The following NTN4 variants were observed in gnomAD, a reference collection of about 807,000 sequenced individuals.
NTN4 encodes netrin 4.
Under a neutral mutation model 73.6 loss-of-function variants are expected in NTN4, and 32 were observed. The ratio of observed to expected loss-of-function variants is 0.44; its 90% CI spans 0.33 to 0.58. The LOEUF (loss-of-function observed/expected upper bound fraction) is 0.58, where lower values mean the gene tolerates loss of function less well. Among genes scored for constraint, NTN4 ranks in the 20% least tolerant of loss-of-function variants. The pLI is 0.04. For synonymous variants in NTN4, 258 were observed against 287.5 expected (o/e 0.90, Z 1.04); for missense variants, 654 against 798.3 (o/e 0.82, Z 2.18).
chr12:95,670,171 T>TGTTA, intron 7 of NTN4, 25 bp from the exon 8 acceptor site: 1 of 1,391,284 alleles, frequency 7.2e-7, no homozygotes, highest in South Asian at 1.3e-5. Context: ...TTAAAAATGG[T>TGTTA]GTTAGTTATT....
chr12:95,787,424 A>T lies in NTN4; in HGVS notation c.100T>A (p.Cys34Ser). ...GCCAAATTTCCCATCCGAGGGTTGC[A>T]GGCTTTTTCACAGCGGGAACTCACT... ...AGVSSRCEKA[C>S]NPRMGNLALG... Residue 34 changes from cysteine to serine, a missense_variant, in exon 2 of 10, where the codon TGC (cysteine) becomes AGC (serine). By Grantham distance (112) the Cys-to-Ser change is moderately radical (BLOSUM62 -1). Coordinates refer to ENST00000343702, the MANE Select transcript of NTN4 (RefSeq NM_021229.4). 6.2e-7 allele frequency: 1 copy of T among 1,614,220 alleles called. No individual in the cohort carries two copies. Among genetic ancestry groups the T allele is most frequent in the East Asian group, 2.2e-5 (1 of 44,884 alleles).
chr12:95,786,800 T>C, intron 2 of NTN4, 139 bp downstream of exon 2: 2 of 716,886 alleles, frequency 2.8e-6, no homozygotes, highest in Admixed American at 5.8e-5. Flanking sequence ...TAAGAAATAA[T>C]TTATGACAAA....
intron 2 of NTN4, among the ~76,000 whole-genome samples, chr12:95,782,528 C>T (rs1200102639): frequency 6.6e-6 from 1 of 152,200 alleles, no homozygotes; most frequent in Non-Finnish European, 1.5e-5. Flanking sequence ...GAACTCCTGA[C>T]CTTAGGTGAT....
intron 2 of NTN4, among the ~76,000 whole-genome samples, chr12:95,743,940 C>T (rs1035584078): frequency 1.3e-5 from 2 of 151,946 alleles, no homozygotes; most frequent in Non-Finnish European, 2.9e-5. Context: ...TCACTCTTGT[C>T]CCCCAGGCTG....
intron 5 of NTN4, 54 bp downstream of exon 5, chr12:95,710,387 A>T: frequency 7.0e-7 from 1 of 1,434,440 alleles, no homozygotes; most frequent in Non-Finnish European, 9.6e-7. Context: ...AGGGATAAAG[A>T]GATTCATCTC....
At chr12:95,665,189 A>G (rs928987373) in intron 9 of NTN4, among the ~76,000 whole-genome samples, 1 of 152,164 alleles carries the variant, frequency 6.6e-6, no homozygotes, top group Non-Finnish European at 1.5e-5. Flanking sequence ...GTGCTTATTT[A>G]TTTGTCTTCA....
intron 3 of NTN4, among the ~76,000 whole-genome samples, chr12:95,737,575 T>G (rs773581268): frequency 2.0e-5 from 3 of 152,160 alleles, no homozygotes; most frequent in Non-Finnish European, 4.4e-5. Flanking sequence ...ACTAATATAA[T>G]CATGCCATCC....
chr12:95,731,058 T>C (rs1239399043), intron 3 of NTN4, among the ~76,000 whole-genome samples: 3 of 152,226 alleles, frequency 2.0e-5, no homozygotes, highest in Non-Finnish European at 4.4e-5. Context: ...ATTTACTTTG[T>C]AGAATATCCA....
intron 2 of NTN4, among the ~76,000 whole-genome samples, chr12:95,767,730 C>A (rs1352246976): frequency 1.3e-5 from 2 of 152,190 alleles, no homozygotes; most frequent in African/African-American, 2.4e-5. Context: ...GCAACGCCCC[C>A]CCTCCAAGTG....
chr12:95,784,494 C>A (rs1013730941), intron 2 of NTN4, among the ~76,000 whole-genome samples: 5 of 152,096 alleles, frequency 3.3e-5, no homozygotes, highest in Non-Finnish European at 4.4e-5. Context: ...TGAGGCCGGG[C>A]GCAGTGACTC....
intron 6 of NTN4, 34 bp downstream of exon 6, chr12:95,683,464 C>T (rs373733150): frequency 5.7e-6 from 9 of 1,583,426 alleles, no homozygotes; most frequent in Middle Eastern, 1.9e-4. Context: ...GCCTGAAATA[C>T]ATGCAGCTGA....
At chr12:95,673,353 T>G (rs191545936) in intron 7 of NTN4, 30 of 250,270 alleles carry the variant, frequency 1.2e-4, no homozygotes, top group African/African-American at 6.5e-4. Context: ...TGACTTGGGT[T>G]TTTGCGACCG....
At chr12:95,719,243 C>CT (rs2078629089) in intron 3 of NTN4, among the ~76,000 whole-genome samples, 1 of 152,074 alleles carries the variant, frequency 6.6e-6, no homozygotes, top group Non-Finnish European at 1.5e-5. Context: ...TACATGATTT[C>CT]AATTTGTTAC....
intron 2 of NTN4, among the ~76,000 whole-genome samples, chr12:95,771,279 G>A (rs1012116941): frequency 6.6e-5 from 10 of 152,250 alleles, no homozygotes; most frequent in African/African-American, 1.4e-4. Context: ...GTGAGCCACC[G>A]CGCGGGGCCA....
chr12:95,676,693 G>C (rs2078275760), intron 7 of NTN4, among the ~76,000 whole-genome samples: 1 of 149,370 alleles, frequency 6.7e-6, no homozygotes, highest in South Asian at 2.2e-4. Flanking sequence ...AGCAAACTTA[G>C]AGAAAACATA....
Position 95,738,154 on chromosome 12 carries a change from G to A in NTN4, c.586-10C>T. The A allele has an allele frequency of 1.2e-6, 2 of 1,606,510 alleles. No homozygotes were observed. Among genetic ancestry groups the A allele is most frequent in the Non-Finnish European group, 1.7e-6 (2 of 1,175,798 alleles). On this transcript the variant is annotated splice_polypyrimidine_tract_variant and intron_variant, in intron 2 of 9. Transcript: ENST00000343702. Reference sequence around the variant, plus strand: ...AAGCTTTGAAAATAACCTGTAAGGAGAAAGAAAATACCATGCGTTTATAGG... The same window carrying A: ...AAGCTTTGAAAATAACCTGTAAGGAAAAAGAAAATACCATGCGTTTATAGG...
chr12:95,764,440 G>A (rs1476191067), intron 2 of NTN4, among the ~76,000 whole-genome samples: 2 of 152,160 alleles, frequency 1.3e-5, no homozygotes, highest in South Asian at 2.1e-4. Context: ...CGAGGCCAGC[G>A]GATCACCTAA....
At chr12:95,773,461 C>T (rs968761848) in intron 2 of NTN4, among the ~76,000 whole-genome samples, 1 of 152,162 alleles carries the variant, frequency 6.6e-6, no homozygotes, top group Non-Finnish European at 1.5e-5. Flanking sequence ...TCCTGGGCAC[C>T]TCTTTTTGAG....
chr12:95,787,504 C>T (rs1375477573), intron 1 of NTN4, 36 bp from the exon 2 acceptor site: 6 of 1,595,056 alleles, frequency 3.8e-6, no homozygotes, highest in Non-Finnish European at 5.1e-6. Flanking sequence ...GCAAGACAAA[C>T]CCATCTGGAA....
Sources: allele counts gnomAD v4.1 joint callset (sites outside exome capture counted in the v4.1 genomes callset), GRCh38; gene constraint gnomAD v4.1.1; transcripts MANE v1.5; gene names NCBI Gene and HGNC (gene_info 2026-07-23, HGNC 2026-07-21).